LRMDA: variants seen among roughly 807,000 people sequenced by gnomAD.
LRMDA encodes leucine-rich melanocyte differentiation-associated protein.
Under a neutral mutation model 29.8 loss-of-function variants are expected in LRMDA, and 18 were observed. That is an observed-to-expected ratio of 0.60 (90% confidence interval 0.42 to 0.90). LRMDA has a LOEUF of 0.90. LRMDA is among the 40% of genes least tolerant of loss of function. The pLI is 0.00. For synonymous variants in LRMDA, 125 were observed against 109.4 expected (o/e 1.14, Z -0.89); for missense variants, 273 against 273.9 (o/e 1.00, Z 0.02).
At chr10:76,349,175 G>A (rs1183421490) in intron 6 of LRMDA, among the ~76,000 whole-genome samples, 1 of 152,188 alleles carries the variant, frequency 6.6e-6, no homozygotes, top group Non-Finnish European at 1.5e-5. Flanking sequence ...AAATGGAGAT[G>A]TTCTAATTTG....
chr10:76,317,506 T>G (rs115248089), intron 5 of LRMDA, among the ~76,000 whole-genome samples: 55 of 152,322 alleles, frequency 3.6e-4, no homozygotes, highest in African/African-American at 1.2e-3. Context: ...TTGTAAATTA[T>G]AAGAAGTAAT....
intron 2 of LRMDA, among the ~76,000 whole-genome samples, chr10:75,955,257 G>A (rs181395136): frequency 1.6e-4 from 24 of 152,314 alleles, no homozygotes; most frequent in African/African-American, 5.3e-4. Flanking sequence ...GGTGTCTGTT[G>A]ATTAGACTGT....
chr10:76,371,235 A>T (rs112791877), intron 6 of LRMDA, among the ~76,000 whole-genome samples: 1,707 of 152,258 alleles, frequency 0.011, 18 homozygotes, highest in African/African-American at 0.028. Flanking sequence ...GGATGTGTCA[A>T]TTGAGATGCT....
chr10:76,505,137 A>G (rs1842946365), intron 6 of LRMDA, among the ~76,000 whole-genome samples: 1 of 150,966 alleles, frequency 6.6e-6, no homozygotes, highest in South Asian at 2.1e-4. Context: ...CAGGCTCCCT[A>G]TGTCTTCTGC....
intron 5 of LRMDA, among the ~76,000 whole-genome samples, chr10:76,214,211 GTTGT>G (rs1564688184): frequency 6.6e-6 from 1 of 151,242 alleles, no homozygotes; most frequent in Non-Finnish European, 1.5e-5. Flanking sequence ...GTCACATAAC[GTTGT>G]AAAAAATCCA....
intron 2 of LRMDA, among the ~76,000 whole-genome samples, chr10:75,490,975 A>G (rs1290346192): frequency 6.6e-6 from 1 of 152,192 alleles, no homozygotes; most frequent in African/African-American, 2.4e-5. Flanking sequence ...AACACAGAGA[A>G]TATTTTTTGT....
intron 2 of LRMDA, among the ~76,000 whole-genome samples, chr10:75,457,144 A>G (rs1844527157): frequency 6.6e-6 from 1 of 152,212 alleles, no homozygotes; most frequent in African/African-American, 2.4e-5. Context: ...TGCAGAGGTT[A>G]AAAGGCTTTC....
At chr10:76,502,729 A>C (rs186708630) in intron 6 of LRMDA, among the ~76,000 whole-genome samples, 1 of 150,160 alleles carries the variant, frequency 6.7e-6, no homozygotes, top group Non-Finnish European at 1.5e-5. Context: ...ACTTTACTAC[A>C]ATTTTTCCTT....
At position 76,503,786 on chromosome 10, in the gene LRMDA, T is replaced by G. The variant is rs558389739; in HGVS notation, c.602-53423T>G. Among the ~76,000 whole-genome samples, 27 of 151,774 alleles carry G rather than the reference T, an allele frequency of 1.8e-4. No individual in the cohort carries two copies. The South Asian group carries it at 5.4e-3, about 30-fold the overall frequency. On this transcript the variant is annotated intron_variant, in intron 6 of 6. Transcript: ENST00000611255. Reference sequence around the variant, plus strand: ...ATTCTTTTGAAGATCTAGGTCTTGGTTTCATTGATCTTTTGCATGGATTTT... The same window carrying G: ...ATTCTTTTGAAGATCTAGGTCTTGGGTTCATTGATCTTTTGCATGGATTTT...
intron 2 of LRMDA, among the ~76,000 whole-genome samples, chr10:75,837,441 G>A (rs1004537882): frequency 7.9e-5 from 12 of 152,084 alleles, no homozygotes; most frequent in African/African-American, 2.9e-4. Flanking sequence ...TAGGACAATT[G>A]TCATATCTTT....
chr10:76,436,370 G>C (rs999281779), intron 6 of LRMDA, among the ~76,000 whole-genome samples: 1 of 152,238 alleles, frequency 6.6e-6, no homozygotes. Flanking sequence ...AACCAGGCTT[G>C]TGTTGCCCTC....
At chr10:75,888,038 A>G (rs758143391) in intron 2 of LRMDA, among the ~76,000 whole-genome samples, 25 of 152,208 alleles carry the variant, frequency 1.6e-4, no homozygotes, top group Non-Finnish European at 3.1e-4. Flanking sequence ...AGAGCTCTTT[A>G]AAAACATCTA....
chr10:76,089,323 G>T (rs993640643), intron 5 of LRMDA, among the ~76,000 whole-genome samples: 2 of 152,180 alleles, frequency 1.3e-5, no homozygotes, highest in African/African-American at 4.8e-5. Context: ...ACTTCCCTTT[G>T]TTTGATTGTC....
chr10:76,079,765 A>AT (rs1318261764), intron 5 of LRMDA, among the ~76,000 whole-genome samples: 4 of 152,256 alleles, frequency 2.6e-5, no homozygotes, highest in South Asian at 4.1e-4. Flanking sequence ...ATGGAGATGG[A>AT]TTTTTTGTTC....
At chr10:75,950,064 C>T (rs550963349) in intron 2 of LRMDA, among the ~76,000 whole-genome samples, 71 of 152,334 alleles carry the variant, frequency 4.7e-4, no homozygotes, top group Middle Eastern at 3.4e-3. Context: ...CTTGCCAAGA[C>T]GGCAAAATGT....
At chr10:75,726,631 T>C (rs1324914454) in intron 2 of LRMDA, among the ~76,000 whole-genome samples, 2 of 152,154 alleles carry the variant, frequency 1.3e-5, no homozygotes, top group Non-Finnish European at 1.5e-5. Flanking sequence ...AAAAATACAG[T>C]GGTAAAACTC....
chr10:76,001,136 C>T (rs1487058661), intron 2 of LRMDA, among the ~76,000 whole-genome samples: 1 of 152,170 alleles, frequency 6.6e-6, no homozygotes, highest in Non-Finnish European at 1.5e-5. Flanking sequence ...CCTGCAGGAG[C>T]CTGAAATTCT....
At chr10:76,414,128 G>A (rs1349535441) in intron 6 of LRMDA, among the ~76,000 whole-genome samples, 1 of 152,196 alleles carries the variant, frequency 6.6e-6, no homozygotes, top group African/African-American at 2.4e-5. Context: ...TATGAACTTG[G>A]ACATGCTTTT....
At chr10:75,852,569 C>T (rs1237340437) in intron 2 of LRMDA, among the ~76,000 whole-genome samples, 1 of 151,858 alleles carries the variant, frequency 6.6e-6, no homozygotes, top group East Asian at 1.9e-4. Context: ...AAATAGTAAT[C>T]TCTTGGGTGT....
Sources: gnomAD v4.1 joint callset for allele counts (sites outside exome capture counted in the v4.1 genomes callset) on GRCh38, gnomAD v4.1.1 for gene constraint, MANE v1.5 for transcripts, NCBI Gene and HGNC (gene_info 2026-07-23, HGNC 2026-07-21) for gene names.